Variants in SGMS1 observed in about 807,000 individuals in gnomAD.
SGMS1 encodes sphingomyelin synthase 1.
In SGMS1, 13 loss-of-function variants were observed where a neutral mutation model predicts 46.2. That is an observed-to-expected ratio of 0.28 (90% CI 0.18 to 0.45). SGMS1 has a LOEUF of 0.45. Among genes scored for constraint, SGMS1 ranks in the 20% least tolerant of loss-of-function variants. The pLI, the probability that SGMS1 is intolerant of heterozygous loss-of-function variation, is 1.00. For synonymous variants in SGMS1, 203 were observed against 187.8 expected, an observed-to-expected ratio of 1.08 and a Z score of -0.66; for missense variants, 324 against 519.9, an observed-to-expected ratio of 0.62 and a Z score of 3.66.
intron 7 of SGMS1, 143 bp downstream of exon 7, chr10:50,343,349 C>A: frequency 1.1e-6 from 1 of 886,270 alleles, no homozygotes; most frequent in East Asian, 2.8e-5. Context: ...TAAGTTAGTC[C>A]AACAGGGTAT....
At chr10:50,590,492 CT>C (rs978326552) in intron 1 of SGMS1, among the ~76,000 whole-genome samples, 10 of 151,346 alleles carry the variant, frequency 6.6e-5, no homozygotes, top group Admixed American at 2.6e-4. Flanking sequence ...CTGTAAGTTT[CT>C]TTTTTTTTCC....
At chr10:50,598,908 A>G (rs1039626643) in intron 1 of SGMS1, among the ~76,000 whole-genome samples, 1 of 152,226 alleles carries the variant, frequency 6.6e-6, no homozygotes, top group African/African-American at 2.4e-5. Context: ...ATACCCAGAC[A>G]GGAAAAAAAA....
At chr10:50,517,226 A>AT (rs1180628579) in intron 3 of SGMS1, among the ~76,000 whole-genome samples, 1 of 152,336 alleles carries the variant, frequency 6.6e-6, no homozygotes, top group South Asian at 2.1e-4. Flanking sequence ...GCCCAAAACC[A>AT]TTTAGACCAC....
At chr10:50,423,534 A>G (rs1849282443) in intron 6 of SGMS1, among the ~76,000 whole-genome samples, 1 of 152,188 alleles carries the variant, frequency 6.6e-6, no homozygotes, top group Non-Finnish European at 1.5e-5. Flanking sequence ...ATCATCACCT[A>G]TCAAGAAATT....
At chr10:50,395,713 A>G (rs7083720) in intron 6 of SGMS1, among the ~76,000 whole-genome samples, 140 of 152,304 alleles carry the variant, frequency 9.2e-4, no homozygotes, top group African/African-American at 2.9e-3. Context: ...TAATATTCTT[A>G]CGAGGAAAAT....
intron 6 of SGMS1, among the ~76,000 whole-genome samples, chr10:50,346,164 G>C (rs1847908664): frequency 6.6e-6 from 1 of 152,128 alleles, no homozygotes; most frequent in Admixed American, 6.5e-5. Context: ...TGAAGATAAT[G>C]ATAATCAAGT....
intron 1 of SGMS1, among the ~76,000 whole-genome samples, chr10:50,591,905 C>G (rs1248063249): frequency 2.0e-5 from 3 of 152,206 alleles, no homozygotes; most frequent in Non-Finnish European, 2.9e-5. Flanking sequence ...AGAGAGTTAG[C>G]AGTATCAATG....
At chr10:50,387,443 C>CT (rs781204625) in intron 6 of SGMS1, among the ~76,000 whole-genome samples, 2 of 152,084 alleles carry the variant, frequency 1.3e-5, no homozygotes, top group Non-Finnish European at 2.9e-5. Flanking sequence ...TACGCTATCT[C>CT]TTTTTTCAAA....
chr10:50,386,661 A>G (rs959506754), intron 6 of SGMS1, among the ~76,000 whole-genome samples: 2 of 152,168 alleles, frequency 1.3e-5, no homozygotes, highest in Admixed American at 6.5e-5. Flanking sequence ...CTAAGTTGCT[A>G]TGAGGATTAC....
chr10:50,385,089 G>T (rs1848664182), intron 6 of SGMS1, among the ~76,000 whole-genome samples: 1 of 152,006 alleles, frequency 6.6e-6, no homozygotes, highest in Non-Finnish European at 1.5e-5. Context: ...AATATCTCCA[G>T]TTTGGGTTTC....
At chr10:50,575,748 G>C (rs1293963522) in intron 2 of SGMS1, among the ~76,000 whole-genome samples, 3 of 151,960 alleles carry the variant, frequency 2.0e-5, no homozygotes, top group Admixed American at 6.6e-5. Flanking sequence ...TTATGTGAAG[G>C]TTTTTGTATA....
chr10:50,568,045 AAGC>A (rs1190020951), intron 2 of SGMS1, among the ~76,000 whole-genome samples: 2 of 152,230 alleles, frequency 1.3e-5, no homozygotes, highest in Admixed American at 1.3e-4. Flanking sequence ...TCTAGAAAAA[AAGC>A]AGGTGGGATA....
chr10:50,452,839 G>C (rs1481968909), intron 5 of SGMS1, among the ~76,000 whole-genome samples: 2 of 152,138 alleles, frequency 1.3e-5, no homozygotes. Context: ...CATCTTCAGG[G>C]GGTGGAAAAT....
chr10:50,479,954 C>T (rs2133716977), intron 3 of SGMS1, among the ~76,000 whole-genome samples: 1 of 152,172 alleles, frequency 6.6e-6, no homozygotes, highest in East Asian at 1.9e-4. Flanking sequence ...GAGGAGTATG[C>T]CATTTAAAGG....
chr10:50,614,210 T>C (rs946855077), intron 1 of SGMS1, among the ~76,000 whole-genome samples: 11 of 152,206 alleles, frequency 7.2e-5, no homozygotes, highest in African/African-American at 1.9e-4. Context: ...TCCAAGCTTC[T>C]AATGAGTGCT....
intron 2 of SGMS1, among the ~76,000 whole-genome samples, chr10:50,561,215 A>G (rs541194068): frequency 5.9e-5 from 9 of 152,328 alleles, no homozygotes; most frequent in African/African-American, 1.7e-4. Flanking sequence ...ATGGCATGTG[A>G]ATGTTTACCG....
At chr10:50,617,095 CAG>C (rs1838805296) in intron 1 of SGMS1, among the ~76,000 whole-genome samples, 1 of 152,036 alleles carries the variant, frequency 6.6e-6, no homozygotes, top group South Asian at 2.1e-4. Context: ...TAAAAACAGA[CAG>C]ATGATTGGTA....
intron 5 of SGMS1, among the ~76,000 whole-genome samples, chr10:50,454,879 G>C (rs11005761): frequency 0.34 from 52,370 of 152,012 alleles, 9,202 homozygotes; most frequent in Admixed American, 0.4. Context: ...CAGCCAACAA[G>C]AACATAGGTC....
At chr10:50,599,317 C>T (rs1838626664) in intron 1 of SGMS1, among the ~76,000 whole-genome samples, 1 of 152,234 alleles carries the variant, frequency 6.6e-6, no homozygotes, top group African/African-American at 2.4e-5. Flanking sequence ...CATTTTCAGT[C>T]TCACTCTGCC....
Sources: gnomAD v4.1 joint callset for allele counts (sites outside exome capture counted in the v4.1 genomes callset) on GRCh38, gnomAD v4.1.1 for gene constraint, MANE v1.5 for transcripts, NCBI Gene and HGNC (gene_info 2026-07-23, HGNC 2026-07-21) for gene names.